The following CAST variants were observed in gnomAD, a reference collection of about 807,000 sequenced individuals.
The protein encoded by CAST is MIR583 host.
In CAST, 76 loss-of-function variants were observed where a neutral mutation model predicts 119.6. That is an observed-to-expected ratio of 0.64 (90% CI 0.53 to 0.77). The LOEUF (loss-of-function observed/expected upper bound fraction) is 0.77. CAST is among the 30% of genes least tolerant of loss of function. The pLI is 0.00. For missense variants in CAST, 953 were observed against 946.5 expected (o/e 1.01, Z -0.09); for synonymous variants, 319 against 331.6 (o/e 0.96, Z 0.41).
At chr5:96,589,804 G>C (rs9314174) in intron 1 of CAST, among the ~76,000 whole-genome samples, 64,260 of 152,000 alleles carry the variant, frequency 0.42, 14,793 homozygotes, top group East Asian at 0.66. Flanking sequence ...CAGCTATCAC[G>C]TCTCATTCAT....
the CAST span, among the ~76,000 whole-genome samples, chr5:96,431,202 C>T: frequency 6.6e-6 from 1 of 152,154 alleles, no homozygotes; most frequent in African/African-American, 2.4e-5. Flanking sequence ...CTCAAAAATT[C>T]CTAATAATTG....
chr5:96,151,108 G>A, the CAST span, among the ~76,000 whole-genome samples: 5 of 152,130 alleles, frequency 3.3e-5, no homozygotes, highest in African/African-American at 9.7e-5. Flanking sequence ...TTAGAGTTCT[G>A]ATATTAAAAT....
At chr5:96,753,311 A>T (rs1765558633) in intron 20 of CAST, among the ~76,000 whole-genome samples, 1 of 152,112 alleles carries the variant, frequency 6.6e-6, no homozygotes, top group Non-Finnish European at 1.5e-5. Context: ...TGTTCTCTTC[A>T]TTAAAAAAGA....
the CAST span, among the ~76,000 whole-genome samples, chr5:96,520,098 C>T: frequency 2.6e-5 from 4 of 152,192 alleles, no homozygotes; most frequent in South Asian, 4.1e-4. Context: ...AGTCTTCATA[C>T]GTCCAGGTTT....
At chr5:96,110,221 G>A in the CAST span, among the ~76,000 whole-genome samples, 1 of 152,238 alleles carries the variant, frequency 6.6e-6, no homozygotes, top group Admixed American at 6.5e-5. Flanking sequence ...CTGGTTCTGG[G>A]AAGTTTTATC....
chr5:96,072,393 C>G, the CAST span, among the ~76,000 whole-genome samples: 427 of 152,304 alleles, frequency 2.8e-3, 4 homozygotes, highest in African/African-American at 9.4e-3. Flanking sequence ...TGCAGGAGAG[C>G]TACTCACCAG....
At chr5:96,288,179 A>G in the CAST span, among the ~76,000 whole-genome samples, 1 of 152,190 alleles carries the variant, frequency 6.6e-6, no homozygotes, top group Non-Finnish European at 1.5e-5. Context: ...ACCTGGAAAG[A>G]ATGCTGTAAA....
At chr5:96,717,699 T>C (rs1757430196) in intron 3 of CAST, among the ~76,000 whole-genome samples, 1 of 152,184 alleles carries the variant, frequency 6.6e-6, no homozygotes, top group African/African-American at 2.4e-5. Flanking sequence ...CTGTGTGTTA[T>C]GCTGCCTGAT....
the CAST span, among the ~76,000 whole-genome samples, chr5:96,080,942 A>G: frequency 2.6e-5 from 4 of 152,114 alleles, no homozygotes; most frequent in Non-Finnish European, 5.9e-5. Flanking sequence ...GATAACTTTT[A>G]TATGTTATCA....
At chr5:96,310,018 AAGGGTTCC>A in the CAST span, among the ~76,000 whole-genome samples, 1 of 152,228 alleles carries the variant, frequency 6.6e-6, no homozygotes, top group Admixed American at 6.5e-5. Context: ...TTCTAGAGGA[AAGGGTTCC>A]AGTTTTTCAC....
intron 1 of CAST, among the ~76,000 whole-genome samples, chr5:96,531,491 T>A (rs1745687220): frequency 6.6e-6 from 1 of 152,200 alleles, no homozygotes; most frequent in South Asian, 2.1e-4. Flanking sequence ...GATTGCCTAG[T>A]ATAAATAACA....
the CAST span, among the ~76,000 whole-genome samples, chr5:96,350,382 G>A: frequency 8.5e-5 from 13 of 152,214 alleles, no homozygotes; most frequent in East Asian, 1.7e-3. Context: ...TTACATCAGA[G>A]TAAGCAATCA....
the CAST span, among the ~76,000 whole-genome samples, chr5:96,372,580 C>G: frequency 2.0e-5 from 3 of 152,170 alleles, no homozygotes; most frequent in Non-Finnish European, 2.9e-5. Context: ...AGGCAGAGAA[C>G]AAGCAAGCCT....
chr5:96,099,591 T>G, the CAST span, among the ~76,000 whole-genome samples: 72 of 152,364 alleles, frequency 4.7e-4, no homozygotes, highest in South Asian at 3.3e-3. Flanking sequence ...ATTGTGTAGT[T>G]TTTGTCTTTA....
At chr5:96,631,737 T>C (rs1456121380) in intron 1 of CAST, among the ~76,000 whole-genome samples, 1 of 152,108 alleles carries the variant, frequency 6.6e-6, no homozygotes, top group Middle Eastern at 3.2e-3. Context: ...TTTCACCGTG[T>C]TAGCCAGGAT....
intron 3 of CAST, among the ~76,000 whole-genome samples, chr5:96,703,404 A>G (rs1053588970): frequency 6.6e-6 from 1 of 152,130 alleles, no homozygotes; most frequent in Admixed American, 6.5e-5. Flanking sequence ...TGCGTACCTG[A>G]TACATGCTGG....
the CAST span, among the ~76,000 whole-genome samples, chr5:96,196,585 A>G: frequency 6.6e-6 from 1 of 152,228 alleles, no homozygotes; most frequent in Non-Finnish European, 1.5e-5. Flanking sequence ...GGACTTGAGC[A>G]CTGTGAGCAG....
chr5:96,210,783 T>A, the CAST span, among the ~76,000 whole-genome samples: 1 of 152,070 alleles, frequency 6.6e-6, no homozygotes, highest in African/African-American at 2.4e-5. Flanking sequence ...ATTAATATCC[T>A]TAATATGTTG....
chr5:96,280,704 C>A, the CAST span, among the ~76,000 whole-genome samples: 3 of 151,980 alleles, frequency 2.0e-5, no homozygotes, highest in African/African-American at 7.2e-5. Flanking sequence ...AACTATGAAC[C>A]ACTTTACTAA....
Sources: gnomAD v4.1 joint callset for allele counts (sites outside exome capture counted in the v4.1 genomes callset) on GRCh38, gnomAD v4.1.1 for gene constraint, MANE v1.5 for transcripts, NCBI Gene and HGNC (gene_info 2026-07-23, HGNC 2026-07-21) for gene names.